LINGO2: variants seen among roughly 807,000 people sequenced by gnomAD.
LINGO2 encodes the protein leucine rich repeat and Ig domain containing 2.
LINGO2 carries 14 observed loss-of-function variants against 30.6 expected under a neutral mutation model. The observed-to-expected ratio is 0.46, with a 90% CI of 0.30 to 0.72. LINGO2 has a LOEUF of 0.72. Among genes scored for constraint, LINGO2 ranks in the 30% least tolerant of loss-of-function variants. The pLI, the probability that LINGO2 is intolerant of heterozygous loss-of-function variation, is 0.07. For synonymous variants in LINGO2, 317 were observed against 288.5 expected (o/e 1.10, Z -1.00); for missense variants, 729 against 751.7 (o/e 0.97, Z 0.35).
the LINGO2 span, among the ~76,000 whole-genome samples, chr9:28,818,293 G>T: frequency 1.3e-5 from 2 of 152,208 alleles, no homozygotes; most frequent in Non-Finnish European, 2.9e-5. Flanking sequence ...GACAGTAGCT[G>T]ATGGCTCAAG....
At chr9:28,849,034 C>A in the LINGO2 span, among the ~76,000 whole-genome samples, 1 of 151,926 alleles carries the variant, frequency 6.6e-6, no homozygotes. Context: ...TTGACTCCTC[C>A]CCTCTACTCA....
chr9:28,662,566 G>T lies in LINGO2; in HGVS notation c.-365+7634C>A, dbSNP rs188946401. ...ATGCTCTCAGAAAATACTTATTGTT[G>T]GCCTTTGTTGCTAAATACATGTTGG... On this transcript the variant is annotated intron_variant, in intron 1 of 5. Transcript: ENST00000379992. 3.9e-5 allele frequency among the ~76,000 whole-genome samples: 6 copies of T among 152,044 alleles called. No individual in the cohort carries two copies. In the East Asian group the frequency reaches 1.2e-3, roughly 29 times the overall value.
intron 1 of LINGO2, among the ~76,000 whole-genome samples, chr9:28,499,941 T>C (rs1031095338): frequency 1.3e-5 from 2 of 152,278 alleles, no homozygotes; most frequent in Admixed American, 1.3e-4. Flanking sequence ...TCCTAGAAAC[T>C]TCTCTTTGAT....
At chr9:28,446,082 G>A (rs557707900) in intron 2 of LINGO2, among the ~76,000 whole-genome samples, 1 of 152,094 alleles carries the variant, frequency 6.6e-6, no homozygotes, top group African/African-American at 2.4e-5. Context: ...ATAATTTGGG[G>A]AAATTTTTTT....
At chr9:28,832,646 C>T in the LINGO2 span, among the ~76,000 whole-genome samples, 4 of 152,024 alleles carry the variant, frequency 2.6e-5, no homozygotes, top group Non-Finnish European at 5.9e-5. Flanking sequence ...TCATATTACT[C>T]AACATAAAAG....
chr9:28,761,099 A>C, the LINGO2 span, among the ~76,000 whole-genome samples: 64 of 151,752 alleles, frequency 4.2e-4, no homozygotes, highest in African/African-American at 1.5e-3. Context: ...TCGAATAATG[A>C]CTTCTTTTAC....
the LINGO2 span, among the ~76,000 whole-genome samples, chr9:29,121,674 T>A: frequency 6.6e-6 from 1 of 151,374 alleles, no homozygotes; most frequent in African/African-American, 2.4e-5. Flanking sequence ...ACAGAAGGAG[T>A]CCATATGATC....
At chr9:28,798,574 G>C in the LINGO2 span, among the ~76,000 whole-genome samples, 2 of 152,084 alleles carry the variant, frequency 1.3e-5, no homozygotes, top group Admixed American at 1.3e-4. Context: ...TTTGAGAAGA[G>C]GGAGGAAGGA....
At chr9:29,159,584 C>T in the LINGO2 span, among the ~76,000 whole-genome samples, 6,407 of 152,070 alleles carry the variant, frequency 0.042, 202 homozygotes, top group Admixed American at 0.08. Context: ...GGGCCAGGTG[C>T]GGTGGCTCAT....
At chr9:28,797,353 TATATATAGAGAGAGAG>T in the LINGO2 span, among the ~76,000 whole-genome samples, 35 of 61,004 alleles carry the variant, frequency 5.7e-4, no homozygotes, top group African/African-American at 1.6e-3. Flanking sequence ...TATATATATA[TATATATAGAGAGAGAG>T]AGAGAGAGAG....
chr9:28,269,768 C>G (rs17699391), intron 4 of LINGO2, among the ~76,000 whole-genome samples: 25,739 of 152,100 alleles, frequency 0.17, 2,400 homozygotes, highest in Middle Eastern at 0.26. Flanking sequence ...ATCCATTCAT[C>G]CAACCATTCA....
intron 4 of LINGO2, among the ~76,000 whole-genome samples, chr9:28,291,351 A>T (rs367723007): frequency 6.6e-6 from 1 of 152,192 alleles, no homozygotes; most frequent in Non-Finnish European, 1.5e-5. Context: ...TTCCCAAATC[A>T]TTACTACATC....
At chr9:29,102,426 G>C in the LINGO2 span, among the ~76,000 whole-genome samples, 1 of 152,112 alleles carries the variant, frequency 6.6e-6, no homozygotes, top group Non-Finnish European at 1.5e-5. Context: ...CATAATTTTA[G>C]CTCTCTCTAG....
chr9:29,212,613 C>T, the LINGO2 span, among the ~76,000 whole-genome samples: 3 of 151,514 alleles, frequency 2.0e-5, no homozygotes, highest in East Asian at 5.8e-4. Context: ...AAAAAAAAAC[C>T]TCTCTGGTAA....
At chr9:28,556,787 ACCAAAACAGAGATATAGAT>A (rs1822726406) in intron 1 of LINGO2, among the ~76,000 whole-genome samples, 1 of 152,054 alleles carries the variant, frequency 6.6e-6, no homozygotes, top group South Asian at 2.1e-4. Context: ...TGGTACTGGT[ACCAAAACAGAGATATAGAT>A]CAATGGAACA....
chr9:28,407,274 G>A (rs181558773), intron 2 of LINGO2, among the ~76,000 whole-genome samples: 2 of 138,630 alleles, frequency 1.4e-5, no homozygotes, highest in African/African-American at 5.3e-5. Flanking sequence ...AGAAAAAAAA[G>A]ATAGAAAAAT....
chr9:28,123,052 T>G (rs970328510), intron 4 of LINGO2, among the ~76,000 whole-genome samples: 1 of 152,254 alleles, frequency 6.6e-6, no homozygotes, highest in Non-Finnish European at 1.5e-5. Context: ...TGAAAAATAC[T>G]AAGTTATGTG....
chr9:28,920,793 T>C, the LINGO2 span, among the ~76,000 whole-genome samples: 1,104 of 152,238 alleles, frequency 7.3e-3, 10 homozygotes, highest in African/African-American at 0.025. Flanking sequence ...CACATACTTG[T>C]CTAGGATCAG....
At chr9:28,313,686 T>G (rs1176779506) in intron 3 of LINGO2, among the ~76,000 whole-genome samples, 4 of 152,134 alleles carry the variant, frequency 2.6e-5, no homozygotes. Context: ...GAAAGTTGCT[T>G]CTCGAGTTCA....
Sources: gnomAD v4.1 joint callset for allele counts (sites outside exome capture counted in the v4.1 genomes callset) on GRCh38, gnomAD v4.1.1 for gene constraint, MANE v1.5 for transcripts, NCBI Gene and HGNC (gene_info 2026-07-23, HGNC 2026-07-21) for gene names.